SCN4A: variants seen among roughly 807,000 people sequenced by gnomAD.
The protein encoded by SCN4A is sodium voltage-gated channel alpha subunit 4, also known as sodium channel protein type 4 subunit alpha.
A neutral mutation model predicts 162.0 loss-of-function variants in SCN4A; 83 were observed. The ratio of observed to expected loss-of-function variants is 0.51; its 90% CI spans 0.43 to 0.61. SCN4A has a LOEUF of 0.61. SCN4A is among the 20% of genes least tolerant of loss of function. SCN4A has a pLI of 0.00. For synonymous variants in SCN4A, 944 were observed against 985.1 expected (o/e 0.96, Z 0.78); for missense variants, 2,196 against 2,462.5 (o/e 0.89, Z 2.29).
intron 11 of SCN4A, among the ~76,000 whole-genome samples, chr17:63,960,363 A>G (rs1909208348): frequency 2.0e-5 from 3 of 152,212 alleles, no homozygotes; most frequent in African/African-American, 7.2e-5. Context: ...CGGCACCTCT[A>G]TAGGACAGAC....
In SCN4A at chr17:63,963,418, G is replaced by C. The variant is rs146000148; in HGVS notation, c.1606+254C>G. ...GGCCTTGCAGCTAGAACTGGGCCAG[G>C]TTAAGACAGGACTATATTTGTGACA... On this transcript the variant is annotated intron_variant, in intron 10 of 23. Coordinates refer to ENST00000435607, the MANE Select transcript of SCN4A (RefSeq NM_000334.4). Among the ~76,000 whole-genome samples, 899 of 152,282 alleles carry C rather than the reference G, an allele frequency of 5.9e-3. 14 individuals carry two copies. The highest frequency in any genetic ancestry group is 0.021 in the African/African-American group (871 of 41,544).
rs1280600073 is a variant in SCN4A at position 63,951,877 on chromosome 17, C to T, written c.2400G>A (p.Leu800=). Residue 800 remains leucine (L), a synonymous_variant, in exon 14 of 24, where the codon CTG becomes CTA. Transcript: ENST00000435607. The surrounding 1 kb of genome is among the most constrained non-coding windows in gnomAD (Gnocchi z 4.5). The part of the protein sequence containing the change: ...NLVVLNLFLA[L]LLSSFSADSL... ...TGTCGGCGCTGAAGGAGCTCAGCAG[C>T]AGAGCCAGGAACAGGTTCAGGACCT... The T allele has an allele frequency of 6.5e-7, 1 of 1,544,242 alleles. No homozygotes were observed. Among genetic ancestry groups the T allele is most frequent in the Admixed American group, 1.9e-5 (1 of 52,612 alleles).
rs1228824376 is a variant in SCN4A, at chr17:63,945,912, G to T, written c.3442-274C>A. On this transcript the variant is annotated intron_variant, in intron 18 of 23. Coordinates refer to ENST00000435607, the MANE Select transcript of SCN4A (RefSeq NM_000334.4). The surrounding 1 kb of genome is among the most constrained non-coding windows in gnomAD (Gnocchi z 4.4). ...TGCTGGGTTTCTCTGGAAGCAGCCT[G>T]GTCACAGGTCACCAGGCAGGAGACA... is the stretch of plus-strand genomic sequence containing the variant. Among the ~76,000 whole-genome samples the T allele has an allele frequency of 1.3e-5, 2 of 152,074 alleles. No individual in the cohort carries two copies. Among genetic ancestry groups the T allele is most frequent in the Admixed American group, 6.5e-5 (1 of 15,280 alleles).
intron 14 of SCN4A, 192 bp from the exon 15 acceptor site, chr17:63,949,720 C>A: frequency 1.7e-6 from 1 of 584,004 alleles, no homozygotes; most frequent in Non-Finnish European, 3.0e-6. Flanking sequence ...TGGTCATGCC[C>A]GCATGACACT....
intron 9 of SCN4A, among the ~76,000 whole-genome samples, chr17:63,964,158 C>T (rs1192380666): frequency 6.6e-6 from 1 of 152,202 alleles, no homozygotes; most frequent in Non-Finnish European, 1.5e-5. Context: ...CTATCCACTA[C>T]CCAGAAAGCA....
In SCN4A at chr17:63,959,441, A is replaced by G; in HGVS notation, c.1846-3T>C. On this transcript the variant is annotated splice_polypyrimidine_tract_variant and splice_region_variant and intron_variant, in intron 11 of 23. Transcript: ENST00000435607. ...GCTGTGAAGATGCCTGTGAAGACCT[A>G]GGGGGTGGCATGAGGCCCTGTCACA... is the stretch of plus-strand genomic sequence containing the variant. The G allele has an allele frequency of 6.2e-7, 1 of 1,612,680 alleles. No individual in the cohort carries two copies. Among genetic ancestry groups the G allele is most frequent in the Non-Finnish European group, 8.5e-7 (1 of 1,179,312 alleles).
rs537558051 is a variant in SCN4A, at chr17:63,943,726, G to A, written c.4017+20C>T. 18 of 1,483,062 alleles carry A rather than the reference G, an allele frequency of 1.2e-5. No homozygotes were observed. Among genetic ancestry groups the A allele is most frequent in the Admixed American group, 1.7e-5 (1 of 59,534 alleles). The allele number at this position is 1,483,062 out of a possible 1,614,324, so 91.9% of individuals were successfully genotyped here. A position where few individuals can be genotyped will look rare whatever the true frequency, so the allele number is the denominator to read the frequency against. On this transcript the variant is annotated intron_variant, in intron 22 of 23. Coordinates refer to ENST00000435607, the MANE Select transcript of SCN4A (RefSeq NM_000334.4). The stretch of plus-strand genomic sequence containing the variant: ...GGAGCCTGGCAGCACACACAGGACA[G>A]GGGGCCCAGAGGTCTGTACCTGGGG...
intron 13 of SCN4A, among the ~76,000 whole-genome samples, chr17:63,956,186 C>T (rs974770567): frequency 2.6e-5 from 4 of 152,226 alleles, no homozygotes; most frequent in East Asian, 1.9e-4. Context: ...CCACAGTAAG[C>T]GGCAGAAGAG....
chr17:63,946,473 C>G (rs760179060), intron 18 of SCN4A, among the ~76,000 whole-genome samples: 35 of 122,522 alleles, frequency 2.9e-4, no homozygotes, highest in East Asian at 7.0e-4. Context: ...CCCCCCCCCC[C>G]ACCCCGCCGC....
rs1009710890 is a variant in SCN4A at position 63,950,886 on chromosome 17, T to G, written c.2853+538A>C. ...GGGGTCAGGGCTCCTGCCTGAGGCT[T>G]CTGTCCTCCTTGTCCTCAACTCCCG... On this transcript the variant is annotated intron_variant, in intron 14 of 23. Coordinates refer to ENST00000435607, the MANE Select transcript of SCN4A (RefSeq NM_000334.4). The surrounding 1 kb of genome is among the most constrained non-coding windows in gnomAD (Gnocchi z 4.6). Among the ~76,000 whole-genome samples, 1 of 152,198 alleles carries G rather than the reference T, an allele frequency of 6.6e-6. No individual in the cohort carries two copies. Among genetic ancestry groups the G allele is most frequent in the Non-Finnish European group, 1.5e-5 (1 of 68,030 alleles).
intron 13 of SCN4A, among the ~76,000 whole-genome samples, chr17:63,955,419 G>T (rs886916378): frequency 2.0e-5 from 3 of 152,202 alleles, no homozygotes; most frequent in African/African-American, 7.2e-5. Flanking sequence ...AGGCACTTTG[G>T]TAAGCACTTG....
intron 8 of SCN4A, 139 bp downstream of exon 8, chr17:63,965,963 G>T: frequency 1.5e-6 from 1 of 645,448 alleles, no homozygotes; most frequent in Non-Finnish European, 2.8e-6. Flanking sequence ...TCCTATAAGG[G>T]CACTGCGGGA....
rs749502925 is a variant in SCN4A at position 63,968,265 on chromosome 17, G to A, written c.794C>T (p.Ala265Val). The A allele has an allele frequency of 6.8e-6, 11 of 1,613,840 alleles. No individual in the cohort carries two copies. Among genetic ancestry groups the A allele is most frequent in the East Asian group, 2.2e-5 (1 of 44,894 alleles). ...CATGAAGAGCTGCAGTCCTACCAGC[G>A]CAAAGACGCTCAGGCAGAAGACAGT... The part of the protein sequence containing the change: ...ILTVFCLSVF[A>V]LVGLQLFMGN... The change falls in exon 6 of 24, where the codon GCG (alanine) becomes GTG (valine). Residue 265 changes from alanine (A) to valine (V), a missense_variant. Transcript: ENST00000435607.
chr17:63,968,422 C>T (rs1457033767), intron 5 of SCN4A, 67 bp from the exon 6 acceptor site: 2 of 1,357,870 alleles, frequency 1.5e-6, no homozygotes, highest in South Asian at 1.4e-5. Context: ...CCCCCGCGGC[C>T]CCCACCGCCA....
intron 18 of SCN4A, among the ~76,000 whole-genome samples, chr17:63,946,759 T>C (rs569907611): frequency 2.0e-5 from 3 of 152,042 alleles, no homozygotes; most frequent in Non-Finnish European, 4.4e-5. Context: ...CGTGGGGCCC[T>C]CCTGGGTGCT....
At chr17:63,967,157 A>AT (rs112133046) in intron 6 of SCN4A, among the ~76,000 whole-genome samples, 49 of 144,772 alleles carry the variant, frequency 3.4e-4, no homozygotes, top group Admixed American at 6.2e-4. Flanking sequence ...GAGCTTTAGG[A>AT]TTTTTTTTTT....
chr17:63,957,324 G>T lies in SCN4A; in HGVS notation c.2214C>A (p.Asn738Lys), dbSNP rs1909100810. 5.6e-6 allele frequency: 9 copies of T among 1,614,000 alleles called. No homozygotes were observed. Among genetic ancestry groups the T allele is most frequent in the Middle Eastern group, 1.6e-4 (1 of 6,084 alleles). Residue 738 changes from asparagine to lysine, a missense_variant, in exon 13 of 24, where the codon AAC becomes AAA. Coordinates refer to ENST00000435607, the MANE Select transcript of SCN4A (RefSeq NM_000334.4). ...AATCATGCATGTGCCAGCGCGGCAG[G>T]TTGCAGTCCAAGGCAATCTTGCACA... ...ECVCKIALDC[N>K]LPRWHMHDFF...
In SCN4A at chr17:63,945,344, G is replaced by A; in HGVS notation, c.3720+16C>T. ...CTCCATCCAGGTTCCCGGCAGGGGT[G>A]GTGGGTCACACTCACCACCTGCAGG... On this transcript the variant is annotated intron_variant, in intron 19 of 23. Coordinates refer to ENST00000435607, the MANE Select transcript of SCN4A (RefSeq NM_000334.4). This position sits in a 1 kb window ranked among gnomAD's most constrained non-coding sequence, Gnocchi z 4.4. 1 of 1,599,924 alleles carries A rather than the reference G, an allele frequency of 6.3e-7. No homozygotes were observed. The highest frequency in any genetic ancestry group is 2.2e-5 in the East Asian group (1 of 44,626).
In SCN4A at chr17:63,947,176, G is replaced by A. The variant is rs762842902; in HGVS notation, c.3319-9C>T. 2 of 1,612,808 alleles carry A rather than the reference G, an allele frequency of 1.2e-6. No individual in the cohort carries two copies. The highest frequency in any genetic ancestry group is 1.7e-6 in the Non-Finnish European group (2 of 1,179,782). On this transcript the variant is annotated splice_polypyrimidine_tract_variant and intron_variant, in intron 17 of 23. Transcript: ENST00000435607. ...AAGCTGATGATGGAGACCTGCAGGGGAGGGGTGAGGGGATCAGTGCGTGCA... is the reference window on the plus strand; with the variant it reads ...AAGCTGATGATGGAGACCTGCAGGGAAGGGGTGAGGGGATCAGTGCGTGCA...
Sources: gnomAD v4.1 joint callset for allele counts (sites outside exome capture counted in the v4.1 genomes callset) on GRCh38, gnomAD v4.1.1 for gene constraint, Gnocchi (gnomAD v3.1) non-coding constraint, MANE v1.5 for transcripts, NCBI Gene and HGNC (gene_info 2026-07-23, HGNC 2026-07-21) for gene names.